Variants in STAG2 observed in about 807,000 individuals in gnomAD.
The protein encoded by STAG2 is STAG2 cohesin complex component.
In STAG2, 14 loss-of-function variants were observed where a neutral mutation model predicts 108.1. That is an observed-to-expected ratio of 0.13 (90% confidence interval 0.09 to 0.20). The LOEUF (loss-of-function observed/expected upper bound fraction) is 0.20. Ranked by LOEUF, STAG2 falls within the 10% of genes least tolerant of loss-of-function variation. The pLI is 1.00. For synonymous variants in STAG2, 307 were observed against 302.7 expected (o/e 1.01, Z -0.15); for missense variants, 440 against 940.9 (o/e 0.47, Z 6.96).
Position 124,002,394 on chromosome X carries a change from C to T in STAG2, c.-162-18973C>T, listed in dbSNP as rs760459467. Among the ~76,000 whole-genome samples, 27 of 111,686 alleles carry T rather than the reference C, an allele frequency of 2.4e-4. 1 individual carries two copies. Among genetic ancestry groups the T allele is most frequent in the Non-Finnish European group, 1.5e-4 (8 of 53,151 alleles). Reference sequence around the variant, plus strand: ...ATCCCAACTCTTTGGGAGGCCAAGGCGGGAGCATTGCTTGCACTCGGGAGT... The same window carrying T: ...ATCCCAACTCTTTGGGAGGCCAAGGTGGGAGCATTGCTTGCACTCGGGAGT... On this transcript the variant is annotated intron_variant, in intron 1 of 34. Transcript: ENST00000371145.
At chrX:124,037,718 C>T (rs894247435) in intron 6 of STAG2, 95 bp downstream of exon 6, 11 of 386,994 alleles carry the variant, frequency 2.8e-5, no homozygotes, top group South Asian at 7.3e-5. Context: ...TGGTAAATAA[C>T]GCTAAGGCAT....
chrX:124,007,533 A>C (rs964337120), intron 1 of STAG2, among the ~76,000 whole-genome samples: 3 of 111,733 alleles, frequency 2.7e-5, no homozygotes, highest in African/African-American at 9.8e-5. Flanking sequence ...CATTTGAATG[A>C]GTATGACATT....
At chrX:124,087,122 C>G (rs1207084528) in intron 30 of STAG2, among the ~76,000 whole-genome samples, 1 of 111,924 alleles carries the variant, frequency 8.9e-6, no homozygotes, top group African/African-American at 3.2e-5. Flanking sequence ...TATTATAGAG[C>G]TAGTTATTAC....
chrX:123,999,598 C>G (rs1010099430), intron 1 of STAG2, among the ~76,000 whole-genome samples: 1 of 110,798 alleles, frequency 9.0e-6, no homozygotes, highest in Non-Finnish European at 1.9e-5. Flanking sequence ...GTGTGTGTCC[C>G]CATGTATGCC....
In STAG2 at chrX:124,093,884, G is replaced by T. The variant is rs988973415; in HGVS notation, c.3579-134G>T. On this transcript the variant is annotated intron_variant, in intron 32 of 34. Transcript: ENST00000371145. Reference sequence around the variant, plus strand: ...TGATATCATTGATGACATAATCAATGCCTAATCATTCTCCCTGACCTTTAA... The same window carrying T: ...TGATATCATTGATGACATAATCAATTCCTAATCATTCTCCCTGACCTTTAA... 6.1e-6 allele frequency: 4 copies of T among 651,835 alleles called. No homozygotes were observed. In the Admixed American group the frequency reaches 1.5e-4, roughly 24 times the overall value. 53.7% of individuals were successfully genotyped at this position (651,835 alleles called of 1,213,427 possible).
intron 1 of STAG2, among the ~76,000 whole-genome samples, chrX:124,009,447 A>G (rs202169313): frequency 5.0e-4 from 46 of 91,441 alleles, no homozygotes; most frequent in African/African-American, 1.6e-3. Context: ...AGGTAGGTAG[A>G]TAGATAGATA....
intron 1 of STAG2, among the ~76,000 whole-genome samples, chrX:124,016,048 T>C (rs2056713776): frequency 8.9e-6 from 1 of 112,434 alleles, no homozygotes; most frequent in South Asian, 3.6e-4. Context: ...TCAGAGTTTT[T>C]GTACATTTAA....
chrX:123,997,051 T>C (rs1048719593), intron 1 of STAG2, among the ~76,000 whole-genome samples: 4 of 112,329 alleles, frequency 3.6e-5, no homozygotes, highest in Admixed American at 1.9e-4. Context: ...CAAATGACCA[T>C]ATGTGTGTAG....
Position 123,983,974 on chromosome X carries a change from C to CTTTTTT in STAG2, c.-163+22134_-163+22139dup, listed in dbSNP as rs199881082. ...AAAAAGAATAATTTTCTTTTCTTTT[C>CTTTTTT]TTTTTTTTTTTTTTTTTTTTTGAGA... On this transcript the variant is annotated intron_variant, in intron 1 of 34. Coordinates refer to ENST00000371145, the MANE Select transcript of STAG2 (RefSeq NM_001042750.2). 1.5e-3 allele frequency among the ~76,000 whole-genome samples: 90 copies of CTTTTTT among 61,440 alleles called. 7 individuals are homozygous for CTTTTTT. The highest frequency in any genetic ancestry group is 5.8e-3 in the African/African-American group (64 of 10,954). The allele number at this position is 61,440 out of a possible 115,157, so 53.4% of individuals were successfully genotyped here.
intron 24 of STAG2, 34 bp from the exon 25 acceptor site, chrX:124,071,115 A>C: frequency 2.9e-6 from 3 of 1,022,949 alleles, no homozygotes; most frequent in South Asian, 3.1e-5. Context: ...CTTGGATTAT[A>C]GCATGCTTTC....
At chrX:124,040,388 T>C (rs1003179217) in intron 6 of STAG2, among the ~76,000 whole-genome samples, 14 of 110,694 alleles carry the variant, frequency 1.3e-4, no homozygotes, top group Non-Finnish European at 2.5e-4. Flanking sequence ...AGGGTCTTGC[T>C]CTATCACTTT....
chrX:124,028,850 G>A (rs56152516), intron 4 of STAG2, among the ~76,000 whole-genome samples: 12 of 94,220 alleles, frequency 1.3e-4, no homozygotes, highest in East Asian at 3.2e-4. Flanking sequence ...ATGGGGTCTC[G>A]CTCTGTTGAC....
At chrX:123,980,017 G>GT (rs940836432) in intron 1 of STAG2, among the ~76,000 whole-genome samples, 3 of 112,132 alleles carry the variant, frequency 2.7e-5, no homozygotes, top group African/African-American at 9.7e-5. Flanking sequence ...ATAGCACATA[G>GT]TTTTTTCTGA....
intron 1 of STAG2, among the ~76,000 whole-genome samples, chrX:123,998,510 T>C (rs1002360873): frequency 1.4e-4 from 15 of 106,185 alleles, no homozygotes; most frequent in Non-Finnish European, 2.9e-4. Flanking sequence ...AAGGAACAGT[T>C]ATATCGTTTT....
chrX:124,099,759 CTTA>C (rs965086277), intron 34 of STAG2, among the ~76,000 whole-genome samples: 2 of 111,469 alleles, frequency 1.8e-5, no homozygotes, highest in Admixed American at 9.6e-5. Context: ...TTCTTAATAG[CTTA>C]TTATAGTATT....
At chrX:124,098,030 G>A (rs2059426142) in intron 34 of STAG2, among the ~76,000 whole-genome samples, 1 of 108,701 alleles carries the variant, frequency 9.2e-6, no homozygotes, top group African/African-American at 3.4e-5. Context: ...GCAAAAAGGT[G>A]TTCTTCAGAT....
At chrX:124,069,366 G>A (rs1169135775) in intron 24 of STAG2, among the ~76,000 whole-genome samples, 1 of 111,741 alleles carries the variant, frequency 8.9e-6, no homozygotes, top group Non-Finnish European at 1.9e-5. Context: ...GTGATTTCAA[G>A]GTTTGCAACC....
At chrX:124,058,939 T>C (rs1311862281) in intron 15 of STAG2, among the ~76,000 whole-genome samples, 1 of 112,406 alleles carries the variant, frequency 8.9e-6, no homozygotes, top group Non-Finnish European at 1.9e-5. Flanking sequence ...AGGTCATTTG[T>C]AAATAAAGAT....
At chrX:124,072,204 T>C (rs757328706) in intron 25 of STAG2, among the ~76,000 whole-genome samples, 26 of 111,015 alleles carry the variant, frequency 2.3e-4, no homozygotes, top group African/African-American at 7.9e-4. Flanking sequence ...GGGGTCTTGA[T>C]ATGTTGCCCA....
Sources: gnomAD v4.1 joint callset for allele counts (sites outside exome capture counted in the v4.1 genomes callset) on GRCh38, gnomAD v4.1.1 for gene constraint, MANE v1.5 for transcripts, NCBI Gene and HGNC (gene_info 2026-07-23, HGNC 2026-07-21) for gene names.